TCERG1L: variants seen among roughly 807,000 people sequenced by gnomAD.
The protein encoded by TCERG1L is transcription elongation regulator 1 like.
A neutral mutation model predicts 56.3 loss-of-function variants in TCERG1L; 37 were observed. The ratio of observed to expected loss-of-function variants is 0.66; its 90% CI spans 0.51 to 0.87. The LOEUF (loss-of-function observed/expected upper bound fraction) is 0.87. Ranked by LOEUF, TCERG1L falls within the 40% of genes least tolerant of loss-of-function variation. TCERG1L has a pLI of 0.00. For synonymous variants in TCERG1L, 324 were observed against 326.3 expected (o/e 0.99, Z 0.08); for missense variants, 799 against 774.2 (o/e 1.03, Z -0.38).
At chr10:131,223,476 C>G (rs1845757705) in intron 4 of TCERG1L, among the ~76,000 whole-genome samples, 2 of 152,198 alleles carry the variant, frequency 1.3e-5, no homozygotes, top group Non-Finnish European at 2.9e-5. Context: ...TGGGTCCACC[C>G]TTTCCTATAT....
chr10:131,174,157 G>A (rs1846122046), intron 4 of TCERG1L, among the ~76,000 whole-genome samples: 1 of 152,148 alleles, frequency 6.6e-6, no homozygotes, highest in Non-Finnish European at 1.5e-5. Context: ...GCACAGACCT[G>A]CTGACCTGCC....
chr10:131,215,909 C>T (rs1429600648), intron 4 of TCERG1L, among the ~76,000 whole-genome samples: 1 of 152,106 alleles, frequency 6.6e-6, no homozygotes, highest in Non-Finnish European at 1.5e-5. Context: ...AACCAGCTTG[C>T]CACTTGTGCA....
chr10:131,179,610 C>T (rs1845148071), intron 4 of TCERG1L, among the ~76,000 whole-genome samples: 1 of 152,196 alleles, frequency 6.6e-6, no homozygotes, highest in South Asian at 2.1e-4. Context: ...TTCCTACTGA[C>T]ACGACCACCA....
At chr10:131,182,917 A>G (rs896752579) in intron 4 of TCERG1L, among the ~76,000 whole-genome samples, 2 of 152,264 alleles carry the variant, frequency 1.3e-5, no homozygotes, top group African/African-American at 4.8e-5. Context: ...TAATTAGTTT[A>G]AGGCAAACAT....
In TCERG1L at chr10:131,168,688, C is replaced by T. The variant is rs187367430; in HGVS notation, c.857-1803G>A. On this transcript the variant is annotated intron_variant, in intron 4 of 11. Transcript: ENST00000368642. Reference sequence around the variant, plus strand: ...TCACTCTGCACAGCGCCCTGCCGGGCAGGCTCTCCCCAGGGCTGGGTGGCT... The same window carrying T: ...TCACTCTGCACAGCGCCCTGCCGGGTAGGCTCTCCCCAGGGCTGGGTGGCT... Among the ~76,000 whole-genome samples the T allele has an allele frequency of 2.1e-3, 313 of 152,316 alleles. 1 individual carries two copies. The highest frequency in any genetic ancestry group is 6.8e-3 in the Middle Eastern group (2 of 294).
chr10:131,170,835 C>G (rs1846082243), intron 4 of TCERG1L, among the ~76,000 whole-genome samples: 1 of 152,114 alleles, frequency 6.6e-6, no homozygotes, highest in Non-Finnish European at 1.5e-5. Flanking sequence ...TCAAACCGGG[C>G]AACAAAATAT....
intron 6 of TCERG1L, among the ~76,000 whole-genome samples, chr10:131,154,900 C>A (rs553923739): frequency 6.6e-6 from 1 of 152,350 alleles, no homozygotes; most frequent in Admixed American, 6.5e-5. Flanking sequence ...GTGGCCTCTC[C>A]GCTTCGGGCC....
chr10:131,221,670 C>T (rs75343979), intron 4 of TCERG1L, among the ~76,000 whole-genome samples: 2,731 of 152,286 alleles, frequency 0.018, 87 homozygotes, highest in African/African-American at 0.061. Flanking sequence ...TCTAAATGAA[C>T]ATTTTGTCAC....
intron 10 of TCERG1L, 84 bp from the exon 11 acceptor site, chr10:131,098,508 G>A: frequency 5.4e-6 from 8 of 1,472,652 alleles, no homozygotes; most frequent in Non-Finnish European, 7.2e-6. Flanking sequence ...ACATGAGAAA[G>A]CAGCAAGAAT....
intron 3 of TCERG1L, among the ~76,000 whole-genome samples, chr10:131,262,532 A>G (rs1846245618): frequency 6.6e-6 from 1 of 152,230 alleles, no homozygotes; most frequent in African/African-American, 2.4e-5. Context: ...TTAGGTTTAC[A>G]GAAAAAATGG....
In TCERG1L at chr10:131,210,797, A is replaced by C. The variant is rs147528347; in HGVS notation, c.857-43912T>G. ...ATATTTTGCTTATTAGTAATAAATT[A>C]TATCTGCAGTCAATAACTCATTTTC... On this transcript the variant is annotated intron_variant, in intron 4 of 11. Transcript: ENST00000368642. Among the ~76,000 whole-genome samples the C allele has an allele frequency of 8.4e-3, 1,283 of 152,264 alleles. 10 individuals carry two copies. Among genetic ancestry groups the C allele is most frequent in the Non-Finnish European group, 0.015 (1,002 of 68,022 alleles).
At chr10:131,096,710 C>G (rs528793999) in intron 11 of TCERG1L, among the ~76,000 whole-genome samples, 1 of 152,074 alleles carries the variant, frequency 6.6e-6, no homozygotes, top group East Asian at 1.9e-4. Context: ...ACCATCCTGG[C>G]TAACATGGTG....
chr10:131,247,638 A>G (rs1846053762), intron 4 of TCERG1L, among the ~76,000 whole-genome samples: 1 of 152,162 alleles, frequency 6.6e-6, no homozygotes, highest in Admixed American at 6.5e-5. Flanking sequence ...ACCACCCTCA[A>G]TGGTGGCAGC....
intron 4 of TCERG1L, among the ~76,000 whole-genome samples, chr10:131,203,511 T>C (rs963638411): frequency 5.9e-5 from 9 of 152,202 alleles, no homozygotes; most frequent in Non-Finnish European, 8.8e-5. Context: ...AGGGAATGCA[T>C]GCACAGGACT....
intron 4 of TCERG1L, among the ~76,000 whole-genome samples, chr10:131,168,305 C>T (rs1846053187): frequency 6.6e-6 from 1 of 152,166 alleles, no homozygotes; most frequent in South Asian, 2.1e-4. Flanking sequence ...TCTTCCTTGC[C>T]CCACTGCAAA....
Position 131,103,271 on chromosome 10 carries a change from G to C in TCERG1L, c.1485+994C>G, listed in dbSNP as rs1589774998. 6.6e-6 allele frequency among the ~76,000 whole-genome samples: 1 copy of C among 152,136 alleles called. No individual in the cohort carries two copies. The highest frequency in any genetic ancestry group is 6.5e-5 in the Admixed American group (1 of 15,270). ...AATTTTTAAGGAAAAATAAATGAGAGGATTAAATCATTGTTTTGACATAAT... is the reference window on the plus strand; with the variant it reads ...AATTTTTAAGGAAAAATAAATGAGACGATTAAATCATTGTTTTGACATAAT... On this transcript the variant is annotated intron_variant, in intron 10 of 11. Transcript: ENST00000368642. This position sits in a 1 kb window ranked among gnomAD's most constrained non-coding sequence, Gnocchi z 4.3.
intron 3 of TCERG1L, among the ~76,000 whole-genome samples, chr10:131,264,903 C>T (rs1392324842): frequency 6.6e-6 from 1 of 152,280 alleles, no homozygotes; most frequent in Non-Finnish European, 1.5e-5. Context: ...GAGGGTCCCA[C>T]GTCTGTGTAG....
chr10:131,301,651 GCT>G (rs1358767143), intron 3 of TCERG1L, among the ~76,000 whole-genome samples: 1 of 151,808 alleles, frequency 6.6e-6, no homozygotes, highest in African/African-American at 2.4e-5. Context: ...AACCTCGTCT[GCT>G]TTTTAAAAAA....
At chr10:131,252,811 T>C (rs977644423) in intron 4 of TCERG1L, among the ~76,000 whole-genome samples, 1 of 152,138 alleles carries the variant, frequency 6.6e-6, no homozygotes, top group African/African-American at 2.4e-5. Context: ...ATGTCCTGTC[T>C]GTGGTTACAG....
Sources: allele counts gnomAD v4.1 joint callset (sites outside exome capture counted in the v4.1 genomes callset), GRCh38; gene constraint gnomAD v4.1.1; non-coding constraint Gnocchi (gnomAD v3.1); transcripts MANE v1.5; gene names NCBI Gene and HGNC (gene_info 2026-07-23, HGNC 2026-07-21).